THAP4: variants seen among roughly 807,000 people sequenced by gnomAD.
The protein encoded by THAP4 is peroxynitrite isomerase THAP4.
A neutral mutation model predicts 48.1 loss-of-function variants in THAP4; 18 were observed. The ratio of observed to expected loss-of-function variants is 0.37; its 90% CI spans 0.26 to 0.56. THAP4 has a LOEUF of 0.56. THAP4 is among the 20% of genes least tolerant of loss of function. The pLI is 0.78. For missense variants in THAP4, 656 were observed against 774.9 expected (o/e 0.85, Z 1.82); for synonymous variants, 345 against 324.9 (o/e 1.06, Z -0.66).
At chr2:241,634,338 C>T (rs896229536) in intron 1 of THAP4, among the ~76,000 whole-genome samples, 6 of 152,236 alleles carry the variant, frequency 3.9e-5, no homozygotes, top group Non-Finnish European at 8.8e-5. Flanking sequence ...TAACCAACTG[C>T]TCCCCAGGCT....
At chr2:241,623,177 A>G (rs1575036006) in intron 2 of THAP4, among the ~76,000 whole-genome samples, 1 of 152,156 alleles carries the variant, frequency 6.6e-6, no homozygotes, top group East Asian at 1.9e-4. Flanking sequence ...ACGTTGCACC[A>G]CAGCACTCCA....
chr2:241,606,606 C>T (rs759489166), intron 2 of THAP4, 133 bp from the exon 3 acceptor site: 206 of 870,898 alleles, frequency 2.4e-4, no homozygotes, highest in Middle Eastern at 2.5e-4. Context: ...CTGTCAAGAG[C>T]GGGAGAAAAT....
intron 2 of THAP4, among the ~76,000 whole-genome samples, chr2:241,619,880 G>A (rs2067397918): frequency 1.8e-5 from 2 of 114,096 alleles, no homozygotes; most frequent in Non-Finnish European, 3.6e-5. Flanking sequence ...TGAGTGAGGG[G>A]TGAGTGAGGG....
At chr2:241,635,777 G>A (rs2067634961) in intron 1 of THAP4, among the ~76,000 whole-genome samples, 3 of 151,676 alleles carry the variant, frequency 2.0e-5, no homozygotes, top group African/African-American at 7.3e-5. Flanking sequence ...TCAAAAAAAA[G>A]AGAAAAAAAG....
At chr2:241,586,008 C>G (rs1367540083) in intron 5 of THAP4, among the ~76,000 whole-genome samples, 1 of 150,668 alleles carries the variant, frequency 6.6e-6, no homozygotes, top group African/African-American at 2.4e-5. Flanking sequence ...GTAATCCCAG[C>G]ACTTTGGGAG....
At chr2:241,637,435 G>A, upstream of THAP4, 1 of 1,469,792 alleles carries the variant, frequency 6.8e-7, no homozygotes, top group Non-Finnish European at 9.0e-7. Flanking sequence ...TCCTCTAAGA[G>A]GAGGAAGCGC....
chr2:241,617,313 T>G, intron 2 of THAP4: 1 of 857,682 alleles, frequency 1.2e-6, no homozygotes, highest in Non-Finnish European at 1.9e-6. Flanking sequence ...ATTTTTCTTT[T>G]ATTGAAATCT....
At chr2:241,590,216 C>T (rs2066942991) in intron 5 of THAP4, among the ~76,000 whole-genome samples, 1 of 148,436 alleles carries the variant, frequency 6.7e-6, no homozygotes, top group African/African-American at 2.5e-5. Context: ...CAGAGCTGCT[C>T]GGCTGATGAT....
chr2:241,633,429 T>C lies in THAP4; in HGVS notation c.728A>G (p.Lys243Arg). 1 of 1,613,776 alleles carries C rather than the reference T, an allele frequency of 6.2e-7. No individual in the cohort carries two copies. The highest frequency in any genetic ancestry group is 8.5e-7 in the Non-Finnish European group (1 of 1,179,970). ...GSLHSYSFSS[K>R]HTRERPSVPR... is the part of the protein sequence containing the mutation. ...GACAGATGGCCTTTCTCGGGTGTGCTTAGAGGAGAAACTGTACGAATGAAG... is the reference window on the plus strand; with the variant it reads ...GACAGATGGCCTTTCTCGGGTGTGCCTAGAGGAGAAACTGTACGAATGAAG... Residue 243 changes from lysine to arginine, a missense_variant, in exon 2 of 6, where the codon AAG becomes AGG. Lys to Arg is a conservative substitution (Grantham distance 26). This residue lies in a region of THAP4 where 391 missense variants were observed against 412.4 expected (regional missense o/e 0.95). Transcript: ENST00000407315. The surrounding 1 kb of genome is among the most constrained non-coding windows in gnomAD (Gnocchi z 7.5).
intron 2 of THAP4, among the ~76,000 whole-genome samples, chr2:241,622,135 C>T (rs921965889): frequency 1.3e-5 from 2 of 152,208 alleles, no homozygotes; most frequent in African/African-American, 4.8e-5. Flanking sequence ...TTTGGGAGGC[C>T]AAGGCGGGTG....
intron 2 of THAP4, among the ~76,000 whole-genome samples, chr2:241,622,830 T>C (rs1250512923): frequency 2.0e-5 from 3 of 151,990 alleles, no homozygotes; most frequent in African/African-American, 7.2e-5. Flanking sequence ...CTCAAACTCC[T>C]GGGCTCAAGC....
Position 241,636,958 on chromosome 2 carries a change from G to A in THAP4, c.60C>T (p.Arg20=), listed in dbSNP as rs763378371. Residue 20 remains arginine, a synonymous_variant, in exon 1 of 6, where the codon CGC becomes CGT. Transcript: ENST00000407315. ...CCGCGTACCTGTGGAAGGAGACGGC[G>A]CGCTTCTCGCCCTTTCCCTGCCGGT... The part of the protein sequence containing the change: ...CSNRQGKGEK[R]AVSFHRFPLK... The A allele has an allele frequency of 4.6e-6, 6 of 1,305,994 alleles. No individual in the cohort carries two copies. Among genetic ancestry groups the A allele is most frequent in the Non-Finnish European group, 6.0e-6 (6 of 1,003,840 alleles). 80.9% of individuals were successfully genotyped at this position (1,305,994 alleles called of 1,614,324 possible).
chr2:241,619,114 C>A (rs1559230080), intron 2 of THAP4, among the ~76,000 whole-genome samples: 1 of 152,212 alleles, frequency 6.6e-6, no homozygotes, highest in Non-Finnish European at 1.5e-5. Context: ...GCTTCCCCTC[C>A]CAGCCCTGCA....
At chr2:241,632,706 A>G (rs2067581403) in intron 2 of THAP4, among the ~76,000 whole-genome samples, 1 of 152,140 alleles carries the variant, frequency 6.6e-6, no homozygotes. Flanking sequence ...CCCTACACAC[A>G]CAGATGCCTC....
chr2:241,598,417 C>T (rs1411997995), intron 5 of THAP4, among the ~76,000 whole-genome samples: 1 of 148,772 alleles, frequency 6.7e-6, no homozygotes, highest in Non-Finnish European at 1.5e-5. Context: ...CAGGGTTATC[C>T]CCCAAAAACA....
At chr2:241,605,452 T>C (rs2067170003) in intron 3 of THAP4, among the ~76,000 whole-genome samples, 2 of 152,306 alleles carry the variant, frequency 1.3e-5, no homozygotes, top group East Asian at 1.9e-4. Context: ...AAAATAAAGA[T>C]ACTTCAACCA....
intron 5 of THAP4, among the ~76,000 whole-genome samples, chr2:241,590,733 T>G (rs79619688): frequency 4.3e-3 from 409 of 94,826 alleles, no homozygotes; most frequent in East Asian, 0.014. Context: ...CTGATGATCA[T>G]GGGCACTAGG....
intron 5 of THAP4, among the ~76,000 whole-genome samples, chr2:241,595,235 G>T (rs576423864): frequency 1.3e-5 from 2 of 152,048 alleles, no homozygotes; most frequent in Non-Finnish European, 2.9e-5. Flanking sequence ...GGCTGGTCTC[G>T]AATTCCTGAC....
intron 5 of THAP4, among the ~76,000 whole-genome samples, chr2:241,594,945 A>T (rs1013819897): frequency 2.6e-5 from 4 of 152,216 alleles, no homozygotes; most frequent in African/African-American, 9.6e-5. Flanking sequence ...TGATGGGTAC[A>T]CAGTGCTGTG....
Sources: allele counts gnomAD v4.1 joint callset (sites outside exome capture counted in the v4.1 genomes callset), GRCh38; gene constraint gnomAD v4.1.1; regional missense constraint gnomAD v4.1.1; non-coding constraint Gnocchi (gnomAD v3.1); transcripts MANE v1.5; gene names NCBI Gene and HGNC (gene_info 2026-07-23, HGNC 2026-07-21).